ITSN1: variants seen among roughly 807,000 people sequenced by gnomAD.
ITSN1 encodes intersectin 1, also known as intersectin-1.
In ITSN1, 58 loss-of-function variants were observed where a neutral mutation model predicts 239.8. That is an observed-to-expected ratio of 0.24 (90% CI 0.20 to 0.30). The LOEUF is 0.30. ITSN1 is among the 10% of genes least tolerant of loss of function. ITSN1 has a pLI of 1.00. For missense variants in ITSN1, 1,558 were observed against 2,103.3 expected, an observed-to-expected ratio of 0.74 and a Z score of 5.07; for synonymous variants, 780 against 770.8, an observed-to-expected ratio of 1.01 and a Z score of -0.20.
At position 33,886,449 on chromosome 21, in the gene ITSN1, T is replaced by C; in HGVS notation, c.5006T>C (p.Phe1669Ser). The C allele has an allele frequency of 6.3e-7, 1 of 1,585,998 alleles. No homozygotes were observed. The highest frequency in any genetic ancestry group is 8.6e-7 in the Non-Finnish European group (1 of 1,165,906). The change falls in exon 39 of 40, where the codon TTC becomes TCC. Residue 1669 changes from phenylalanine (F) to serine (S), a missense_variant. By Grantham distance (155) the Phe-to-Ser change is radical (BLOSUM62 -2). Around this residue, in one of 2 missense-constraint regions of ITSN1, gnomAD observed 576 missense variants for 893.3 expected, o/e 0.64. Transcript: ENST00000381318. ...LCITVFERDQ[F>S]SPDDFLGRTE... ...ATCACTGTGTTCGAGAGGGACCAGT[T>C]CTCACCAGATGGTGAGTGGAACGCG...
chr21:33,870,922 A>C (rs772065098), intron 33 of ITSN1, among the ~76,000 whole-genome samples: 4 of 152,212 alleles, frequency 2.6e-5, no homozygotes, highest in Non-Finnish European at 4.4e-5. Context: ...CCTGCACTCT[A>C]ATCCCCCTGA....
In ITSN1 at chr21:33,778,868, G is replaced by A. The variant is rs1265975377; in HGVS notation, c.1597-2593G>A. Among the ~76,000 whole-genome samples the A allele has an allele frequency of 7.1e-5, 10 of 141,270 alleles. 1 individual carries two copies. Among genetic ancestry groups the A allele is most frequent in the African/African-American group, 2.9e-4 (9 of 31,224 alleles). 92.7% of individuals were successfully genotyped at this position (141,270 alleles called of 152,430 possible). ...GCTGGGATTACAGGCGTGAGCCACC[G>A]CGCCCGGCCTATAATATTCTCTTAT... is the stretch of plus-strand genomic sequence containing the variant. On this transcript the variant is annotated intron_variant, in intron 14 of 39. Transcript: ENST00000381318.
intron 1 of ITSN1, among the ~76,000 whole-genome samples, chr21:33,680,874 A>G (rs1568923931): frequency 6.6e-6 from 1 of 152,218 alleles, no homozygotes; most frequent in Non-Finnish European, 1.5e-5. Flanking sequence ...TAGGTTATTT[A>G]ATATTCTCTG....
chr21:33,677,757 T>A (rs1364761468), intron 1 of ITSN1, among the ~76,000 whole-genome samples: 2 of 152,132 alleles, frequency 1.3e-5, no homozygotes, highest in South Asian at 4.1e-4. Flanking sequence ...CAAAGGTGTC[T>A]TTGATTCCGC....
intron 29 of ITSN1, among the ~76,000 whole-genome samples, chr21:33,846,336 G>A (rs2074989769): frequency 6.6e-6 from 1 of 152,110 alleles, no homozygotes; most frequent in African/African-American, 2.4e-5. Flanking sequence ...GCTCTTTTCT[G>A]AATTCCTTAT....
At position 33,823,660 on chromosome 21, in the gene ITSN1, C is replaced by T. The variant is rs2073815017; in HGVS notation, c.3183+7C>T. On this transcript the variant is annotated splice_region_variant and intron_variant, in intron 25 of 39. Transcript: ENST00000381318. ...GAGGCTTAAAGATTCAGAGGTAAAC[C>T]CACATTAACTGTTTCCTCTCCCTTT... 6.2e-7 allele frequency: 1 copy of T among 1,610,068 alleles called. No individual in the cohort carries two copies. Among genetic ancestry groups the T allele is most frequent in the Non-Finnish European group, 8.5e-7 (1 of 1,177,938 alleles).
intron 1 of ITSN1, among the ~76,000 whole-genome samples, chr21:33,717,674 G>C (rs1330937263): frequency 6.6e-6 from 1 of 152,052 alleles, no homozygotes; most frequent in Non-Finnish European, 1.5e-5. Context: ...TCCTGCCTCA[G>C]CCTCCCGAGT....
At position 33,726,468 on chromosome 21, in the gene ITSN1, C is replaced by A. The variant is rs147565073; in HGVS notation, c.185+3817C>A. ...TTTGACTCTGAAGTTTTAGGCAGTC[C>A]TTGTGTCAGTCATCTGGGGAAGAAG... On this transcript the variant is annotated intron_variant, in intron 4 of 39. Transcript: ENST00000381318. 4.3e-4 allele frequency among the ~76,000 whole-genome samples: 66 copies of A among 152,182 alleles called. No individual in the cohort carries two copies. In the East Asian group the frequency reaches 0.012, roughly 29 times the overall value.
intron 16 of ITSN1, among the ~76,000 whole-genome samples, chr21:33,787,438 A>C (rs1166942418): frequency 2.6e-5 from 4 of 152,248 alleles, no homozygotes; most frequent in Non-Finnish European, 4.4e-5. Context: ...AGAGGCTGTT[A>C]GAAATATAAA....
At chr21:33,828,131 C>A (rs2074075830) in intron 26 of ITSN1, among the ~76,000 whole-genome samples, 1 of 152,240 alleles carries the variant, frequency 6.6e-6, no homozygotes, top group African/African-American at 2.4e-5. Context: ...TTGCTTTGCA[C>A]TGAAACTAGC....
intron 1 of ITSN1, among the ~76,000 whole-genome samples, chr21:33,691,596 T>C (rs1010053985): frequency 6.6e-6 from 1 of 152,214 alleles, no homozygotes; most frequent in Non-Finnish European, 1.5e-5. Context: ...GTAGATCTTA[T>C]AAAACTGGCT....
intron 1 of ITSN1, among the ~76,000 whole-genome samples, chr21:33,692,813 C>T (rs1245066730): frequency 6.6e-6 from 1 of 151,966 alleles, no homozygotes; most frequent in Non-Finnish European, 1.5e-5. Flanking sequence ...CTCTGTCACC[C>T]AGGCTGGAGT....
In ITSN1 at chr21:33,885,029, T is replaced by C; in HGVS notation, c.4677-12T>C. 6.2e-7 allele frequency: 1 copy of C among 1,612,664 alleles called. No homozygotes were observed. Among genetic ancestry groups the C allele is most frequent in the African/African-American group, 1.3e-5 (1 of 75,000 alleles). ...TTTCTGTTTGGCAACTTTCTGTCTT[T>C]TTCTGTCCAAGGACTGCCTGGGTGC... On this transcript the variant is annotated splice_polypyrimidine_tract_variant and intron_variant, in intron 36 of 39. Coordinates refer to ENST00000381318, the MANE Select transcript of ITSN1 (RefSeq NM_003024.3).
chr21:33,668,620 T>C (rs934083845), intron 1 of ITSN1, among the ~76,000 whole-genome samples: 2 of 152,186 alleles, frequency 1.3e-5, no homozygotes, highest in Non-Finnish European at 2.9e-5. Context: ...AGTGGCTCCA[T>C]TGGTGTTAAA....
intron 33 of ITSN1, among the ~76,000 whole-genome samples, chr21:33,874,156 CAAAAAAAAAAAA>C (rs778588764): frequency 3.4e-5 from 1 of 29,202 alleles, no homozygotes; most frequent in Non-Finnish European, 7.5e-5. Context: ...AACTCCGTCT[CAAAAAAAAAAAA>C]AAAAAAAAAA....
At chr21:33,711,837 G>C (rs944656494) in intron 1 of ITSN1, among the ~76,000 whole-genome samples, 2 of 152,098 alleles carry the variant, frequency 1.3e-5, no homozygotes, top group African/African-American at 4.8e-5. Flanking sequence ...TTATGTTACA[G>C]TTGTCATATG....
At chr21:33,671,688 G>A (rs1014382782) in intron 1 of ITSN1, among the ~76,000 whole-genome samples, 13 of 151,864 alleles carry the variant, frequency 8.6e-5, no homozygotes, top group Non-Finnish European at 1.8e-4. Context: ...TGTAATCCGA[G>A]CTACTCAGGA....
chr21:33,836,552 A>C lies in ITSN1; in HGVS notation c.3581A>C (p.Lys1194Thr). ...VLNKEDPDWW[K>T]GEVNGQVGLF... is the part of the protein sequence containing the mutation. ...AACAAGGAGGACCCTGACTGGTGGA[A>C]AGGAGAAGTCAATGGACAAGTGGGG... Residue 1194 changes from lysine to threonine, a missense_variant, in exon 29 of 40, where the codon AAA becomes ACA. Physicochemically the swap from Lys to Thr is moderately conservative, Grantham distance 78 (BLOSUM62 -1). This residue lies in a region of ITSN1 where 576 missense variants were observed against 893.3 expected (regional missense o/e 0.64). Coordinates refer to ENST00000381318, the MANE Select transcript of ITSN1 (RefSeq NM_003024.3). 6.2e-7 allele frequency: 1 copy of C among 1,614,124 alleles called. No individual in the cohort carries two copies. Among genetic ancestry groups the C allele is most frequent in the Non-Finnish European group, 8.5e-7 (1 of 1,179,972 alleles).
chr21:33,781,735 C>G (rs542630495), intron 15 of ITSN1, among the ~76,000 whole-genome samples, 187 bp downstream of exon 15: 26 of 152,180 alleles, frequency 1.7e-4, no homozygotes, highest in Admixed American at 4.6e-4. Flanking sequence ...CATGCCACCA[C>G]AGCCAGCTAG....
Sources: gnomAD v4.1 joint callset for allele counts (sites outside exome capture counted in the v4.1 genomes callset) on GRCh38, gnomAD v4.1.1 for gene constraint, gnomAD v4.1.1 regional missense constraint, MANE v1.5 for transcripts, NCBI Gene and HGNC (gene_info 2026-07-23, HGNC 2026-07-21) for gene names.